Variants in IL16 observed in about 807,000 individuals in gnomAD.
IL16 encodes the protein pro-interleukin-16.
IL16 carries 67 observed loss-of-function variants against 110.1 expected under a neutral mutation model. The observed-to-expected ratio is 0.61, with a 90% confidence interval of 0.50 to 0.75. The LOEUF (loss-of-function observed/expected upper bound fraction) is 0.75. IL16 is among the 30% of genes least tolerant of loss of function. The probability of loss-of-function intolerance (pLI) is 0.00; values close to 1 mark genes in which losing one functional copy is unlikely to be tolerated. For missense variants in IL16, 1,545 were observed against 1,655.0 expected, an observed-to-expected ratio of 0.93 and a Z score of 1.15; for synonymous variants, 689 against 662.9, an observed-to-expected ratio of 1.04 and a Z score of -0.61.
At chr15:81,242,964 T>C (rs535109608) in intron 2 of IL16, among the ~76,000 whole-genome samples, 3 of 151,470 alleles carry the variant, frequency 2.0e-5, no homozygotes, top group African/African-American at 7.3e-5. Context: ...CATTCATTGA[T>C]ATGATCATGT....
intron 2 of IL16, among the ~76,000 whole-genome samples, chr15:81,244,944 C>G (rs1214916509): frequency 6.6e-6 from 1 of 152,104 alleles, no homozygotes; most frequent in Non-Finnish European, 1.5e-5. Context: ...CCTCTGTCCC[C>G]TGAGTTCATT....
At chr15:81,230,047 A>C (rs1896918500) in intron 2 of IL16, among the ~76,000 whole-genome samples, 1 of 152,190 alleles carries the variant, frequency 6.6e-6, no homozygotes, top group Non-Finnish European at 1.5e-5. Context: ...GGATGTGCCA[A>C]AGCGGGGCAT....
chr15:81,213,734 A>G (rs572418805), intron 1 of IL16, among the ~76,000 whole-genome samples: 1 of 152,286 alleles, frequency 6.6e-6, no homozygotes, highest in South Asian at 2.1e-4. Context: ...TGCATAGTAT[A>G]TCTTTCTCTA....
chr15:81,223,472 G>A (rs1896686785), intron 1 of IL16, among the ~76,000 whole-genome samples: 1 of 152,224 alleles, frequency 6.6e-6, no homozygotes, highest in Admixed American at 6.5e-5. Flanking sequence ...TGAGACGGTA[G>A]AGCCAGGGTA....
At chr15:81,269,678 C>T (rs1417947565) in intron 5 of IL16, 30 bp downstream of exon 5, 1 of 1,496,030 alleles carries the variant, frequency 6.7e-7, no homozygotes, top group East Asian at 2.3e-5. Flanking sequence ...AACAGGAAGT[C>T]CTGGGGGGCA....
intron 1 of IL16, among the ~76,000 whole-genome samples, chr15:81,199,053 A>G (rs1375848110): frequency 1.4e-5 from 2 of 146,256 alleles, no homozygotes; most frequent in Non-Finnish European, 1.5e-5. Context: ...ATATATATAT[A>G]TATATATAAA....
At chr15:81,215,238 G>A (rs757296587) in intron 1 of IL16, among the ~76,000 whole-genome samples, 2 of 152,194 alleles carry the variant, frequency 1.3e-5, no homozygotes, top group Non-Finnish European at 2.9e-5. Context: ...TTTCCCATCT[G>A]CAAGGGTTAG....
intron 1 of IL16, among the ~76,000 whole-genome samples, chr15:81,213,183 A>G (rs1318159056): frequency 6.6e-6 from 1 of 152,104 alleles, no homozygotes; most frequent in African/African-American, 2.4e-5. Flanking sequence ...ATTTCCATGC[A>G]TTTATGTAGT....
intron 12 of IL16, chr15:81,295,500 A>T (rs764486325): frequency 3.1e-6 from 4 of 1,289,534 alleles, no homozygotes; most frequent in Non-Finnish European, 4.0e-6. Flanking sequence ...ACAGATGTCA[A>T]CTTACAGAGC....
At chr15:81,221,073 T>C (rs1488234845) in intron 1 of IL16, among the ~76,000 whole-genome samples, 1 of 151,950 alleles carries the variant, frequency 6.6e-6, no homozygotes, top group African/African-American at 2.4e-5. Context: ...CAAGATGTGA[T>C]GGGGAGACCC....
At chr15:81,250,403 T>G (rs1897728024) in intron 2 of IL16, among the ~76,000 whole-genome samples, 1 of 152,202 alleles carries the variant, frequency 6.6e-6, no homozygotes, top group African/African-American at 2.4e-5. Context: ...TCTCAAGCTC[T>G]TGGCCTCAAG....
At position 81,190,018 on chromosome 15, in the gene IL16, A is replaced by G. The variant is rs1485089252; in HGVS notation, c.40+7122A>G. On this transcript the variant is annotated intron_variant, in intron 1 of 18. Transcript: ENST00000302987. ...CTGGGCACCATCCACCTCGAACTCC[A>G]CCCTTGTCCTGTCTGAAGCCACGCA... is the stretch of plus-strand genomic sequence containing the variant. Among the ~76,000 whole-genome samples the G allele has an allele frequency of 2.0e-5, 3 of 152,052 alleles. 1 individual carries two copies. Among genetic ancestry groups the G allele is most frequent in the African/African-American group, 4.8e-5 (2 of 41,382 alleles).
At chr15:81,297,677 C>T (rs1900055253) in intron 13 of IL16, among the ~76,000 whole-genome samples, 1 of 152,154 alleles carries the variant, frequency 6.6e-6, no homozygotes, top group African/African-American at 2.4e-5. Flanking sequence ...TTTCTGAGCC[C>T]AGATTCACTC....
rs190682355 is a variant in IL16, at chr15:81,217,477, C to G, written c.-101-7822C>G. On this transcript the variant is annotated intron_variant, in intron 1 of 18. Coordinates refer to ENST00000683961, the MANE Select transcript of IL16 (RefSeq NM_172217.5). Reference sequence around the variant, plus strand: ...AATTTTATGGAAAAAATATTTCAAGCTTTTAGGACTAGGTGTACTTTAAAC... The same window carrying G: ...AATTTTATGGAAAAAATATTTCAAGGTTTTAGGACTAGGTGTACTTTAAAC... 8.5e-4 allele frequency among the ~76,000 whole-genome samples: 129 copies of G among 152,272 alleles called. 1 individual carries two copies. In the East Asian group the frequency reaches 0.024, roughly 28 times the overall value.
intron 10 of IL16, among the ~76,000 whole-genome samples, chr15:81,288,647 C>A (rs1899560208): frequency 6.6e-6 from 1 of 152,144 alleles, no homozygotes; most frequent in Non-Finnish European, 1.5e-5. Context: ...TGGGAACCAC[C>A]ATTTTACTTT....
Position 81,273,109 on chromosome 15 carries a change from T to C in IL16, c.695T>C (p.Val232Ala), listed in dbSNP as rs377229061. Reference sequence around the variant, plus strand: ...CCCCAGGGTCTGGGCTTCAGCATCGTTGGGGGAAAAGACAGCATTTATGGC... The same window carrying C: ...CCCCAGGGTCTGGGCTTCAGCATCGCTGGGGGAAAAGACAGCATTTATGGC... The part of the protein sequence containing the change: ...GQAKGLGFSI[V>A]GGKDSIYGPI... Residue 232 changes from valine to alanine, a missense_variant, in exon 6 of 19, where the codon GTT (valine) becomes GCT (alanine). By Grantham distance (64) the Val-to-Ala change is moderately conservative (BLOSUM62 0). Transcript: ENST00000683961. 20 of 1,612,652 alleles carry C rather than the reference T, an allele frequency of 1.2e-5. No individual in the cohort carries two copies. The African/African-American group carries it at 2.3e-4, about 18-fold the overall frequency.
At chr15:81,258,298 A>G (rs1002510035) in intron 2 of IL16, among the ~76,000 whole-genome samples, 1 of 151,582 alleles carries the variant, frequency 6.6e-6, no homozygotes, top group Non-Finnish European at 1.5e-5. Flanking sequence ...TTTCTGTTTC[A>G]TTACTGACCC....
chr15:81,251,738 C>A lies in IL16; in HGVS notation c.313-8034C>A, dbSNP rs548086170. The stretch of plus-strand genomic sequence containing the variant: ...CATATATTACTTTGCTTACTCCTTT[C>A]AAAAATCCCACTGGAACTAGCATAA... On this transcript the variant is annotated intron_variant, in intron 2 of 18. Transcript: ENST00000683961. Among the ~76,000 whole-genome samples, 354 of 152,242 alleles carry A rather than the reference C, an allele frequency of 2.3e-3. 1 individual carries two copies. Among genetic ancestry groups the A allele is most frequent in the Non-Finnish European group, 4.0e-3 (271 of 68,024 alleles).
intron 13 of IL16, among the ~76,000 whole-genome samples, chr15:81,297,908 A>T (rs980201353): frequency 2.0e-5 from 3 of 152,224 alleles, no homozygotes; most frequent in Non-Finnish European, 4.4e-5. Context: ...AACACTACAG[A>T]AAAGCTCATG....
Sources: allele counts gnomAD v4.1 joint callset (sites outside exome capture counted in the v4.1 genomes callset), GRCh38; gene constraint gnomAD v4.1.1; transcripts MANE v1.5; gene names NCBI Gene and HGNC (gene_info 2026-07-23, HGNC 2026-07-21).